BBS9: variants seen among roughly 807,000 people sequenced by gnomAD.
BBS9 encodes protein PTHB1.
In BBS9, 89 loss-of-function variants were observed where a neutral mutation model predicts 117.7. The ratio of observed to expected loss-of-function variants is 0.76; its 90% CI spans 0.64 to 0.90. The LOEUF (loss-of-function observed/expected upper bound fraction) is 0.90, where lower values mean the gene tolerates loss of function less well. Ranked by LOEUF, BBS9 falls within the 40% of genes least tolerant of loss-of-function variation. BBS9 has a pLI of 0.00. For missense variants in BBS9, 982 were observed against 1,042.2 expected (o/e 0.94, Z 0.80); for synonymous variants, 379 against 370.9 (o/e 1.02, Z -0.25).
At position 33,516,227 on chromosome 7, in the gene BBS9, A is replaced by G. The variant is rs558113128; in HGVS notation, c.2298+10582A>G. Among the ~76,000 whole-genome samples, 4 of 152,270 alleles carry G rather than the reference A, an allele frequency of 2.6e-5. No individual in the cohort carries two copies. In the South Asian group the frequency reaches 8.3e-4, roughly 32 times the overall value. On this transcript the variant is annotated intron_variant, in intron 20 of 22. Transcript: ENST00000242067. ...GAACATAGGCCGGGCGCGGTGGCTC[A>G]CACCTGTAATCCCAGCACTTTGGGA...
intron 5 of BBS9, among the ~76,000 whole-genome samples, chr7:33,179,329 C>T (rs1797772790): frequency 6.6e-6 from 1 of 152,168 alleles, no homozygotes; most frequent in Non-Finnish European, 1.5e-5. Context: ...TGTAGTGGTC[C>T]ATGACCTGTT....
intron 7 of BBS9, among the ~76,000 whole-genome samples, chr7:33,272,542 A>G (rs987313218): frequency 6.6e-6 from 1 of 152,168 alleles, no homozygotes; most frequent in Non-Finnish European, 1.5e-5. Flanking sequence ...TATCCCAGCA[A>G]TATGGAGATA....
intron 19 of BBS9, among the ~76,000 whole-genome samples, chr7:33,420,226 T>C (rs566152842): frequency 3.9e-4 from 60 of 152,294 alleles, no homozygotes; most frequent in African/African-American, 1.3e-3. Flanking sequence ...ACCTCATTTT[T>C]ATCTTCTGTA....
chr7:33,417,422 G>A (rs17170222), intron 19 of BBS9, among the ~76,000 whole-genome samples: 1,722 of 152,240 alleles, frequency 0.011, 34 homozygotes, highest in African/African-American at 0.039. Context: ...TAGATTTGGG[G>A]CATTGCAACT....
At chr7:33,389,293 T>A (rs17170212) in intron 19 of BBS9, among the ~76,000 whole-genome samples, 9,430 of 152,270 alleles carry the variant, frequency 0.062, 379 homozygotes, top group South Asian at 0.14. Context: ...ATTCTGTTGA[T>A]TTTGAAAGGA....
intron 19 of BBS9, 129 bp downstream of exon 19, chr7:33,388,273 C>T (rs1826401666): frequency 8.6e-7 from 1 of 1,159,846 alleles, no homozygotes; most frequent in South Asian, 1.3e-5. Flanking sequence ...GAACAGTGCA[C>T]AAGCTTTAGA....
intron 19 of BBS9, among the ~76,000 whole-genome samples, chr7:33,434,895 A>G (rs1835073113): frequency 6.6e-6 from 1 of 152,148 alleles, no homozygotes; most frequent in South Asian, 2.1e-4. Flanking sequence ...CTCATGAAAT[A>G]TGCAGAAAGT....
At chr7:33,274,546 A>G (rs1331295651) in intron 9 of BBS9, among the ~76,000 whole-genome samples, 1 of 152,234 alleles carries the variant, frequency 6.6e-6, no homozygotes, top group Non-Finnish European at 1.5e-5. Flanking sequence ...TCATCAGTAT[A>G]AAAACTGAGA....
chr7:33,172,059 G>T (rs569465485), intron 4 of BBS9, among the ~76,000 whole-genome samples: 2 of 152,018 alleles, frequency 1.3e-5, no homozygotes, highest in African/African-American at 4.8e-5. Context: ...CTTGGTTCTG[G>T]CTTGTAGCTG....
chr7:33,602,680 GT>G, intron 21 of BBS9, among the ~76,000 whole-genome samples: 1 of 152,274 alleles, frequency 6.6e-6, no homozygotes, highest in African/African-American at 2.4e-5. Context: ...GGTGAGCCGA[GT>G]TCACGCCATT....
chr7:33,251,876 C>T (rs1796274240), intron 5 of BBS9, among the ~76,000 whole-genome samples: 2 of 152,256 alleles, frequency 1.3e-5, no homozygotes, highest in South Asian at 4.2e-4. Flanking sequence ...TAAGTGTTCT[C>T]CTCTATGTTG....
At chr7:33,525,675 A>G (rs1380712355) in intron 20 of BBS9, among the ~76,000 whole-genome samples, 1 of 129,876 alleles carries the variant, frequency 7.7e-6, no homozygotes, top group African/African-American at 3.1e-5. Flanking sequence ...TGAATACAGC[A>G]CACTGATGGG....
At chr7:33,177,797 AG>A (rs1171173572) in intron 5 of BBS9, 11 of 570,276 alleles carry the variant, frequency 1.9e-5, no homozygotes, top group Non-Finnish European at 3.2e-5. Context: ...GAAGCTAATC[AG>A]GGTCAGGCCT....
chr7:33,344,467 T>A lies in BBS9; in HGVS notation c.1276-114T>A. The A allele has an allele frequency of 4.0e-6, 4 of 1,005,030 alleles. No homozygotes were observed. In the Admixed American group the frequency reaches 6.9e-5, roughly 17 times the overall value. The allele number at this position is 1,005,030 out of a possible 1,614,324, so 62.3% of individuals were successfully genotyped here. A position where few individuals can be genotyped will look rare whatever the true frequency, so the allele number is the denominator to read the frequency against. On this transcript the variant is annotated intron_variant, in intron 11 of 22. Transcript: ENST00000242067. ...TAGTCTGTCATTAGAGTAATAAATC[T>A]TTTATAGTTTCCTATTTTGATAGTA...
chr7:33,140,406 AC>A (rs1242933468), intron 1 of BBS9, among the ~76,000 whole-genome samples: 1 of 152,028 alleles, frequency 6.6e-6, no homozygotes, highest in Admixed American at 6.6e-5. Flanking sequence ...CCCATCATGC[AC>A]CTTTTCCCTT....
intron 5 of BBS9, among the ~76,000 whole-genome samples, chr7:33,214,694 A>G (rs1238570294): frequency 6.6e-6 from 1 of 152,228 alleles, no homozygotes; most frequent in Admixed American, 6.5e-5. Flanking sequence ...GAGAAAAATT[A>G]AAGAGGCCAC....
chr7:33,609,753 C>T (rs965369739), downstream of BBS9, among the ~76,000 whole-genome samples: 5 of 152,046 alleles, frequency 3.3e-5, no homozygotes, highest in Non-Finnish European at 5.9e-5. Context: ...AGTGATACAG[C>T]GTTTTGCTCC....
rs1395967283 is a variant in BBS9 at position 33,544,242 on chromosome 7, A to AT, written c.2521+10073dup. On this transcript the variant is annotated intron_variant, in intron 21 of 22. Coordinates refer to ENST00000242067, the MANE Select transcript of BBS9 (RefSeq NM_198428.3). ...CTTGGTTTGCTGGTGAGCTAGCGTG[A>AT]TTTTTTTGGTGGTGTTGAAGAGCCT... Among the ~76,000 whole-genome samples the AT allele has an allele frequency of 4.6e-5, 7 of 151,992 alleles. No individual in the cohort carries two copies. The East Asian group carries it at 1.4e-3, about 30-fold the overall frequency.
intron 9 of BBS9, among the ~76,000 whole-genome samples, chr7:33,306,463 T>C (rs898424620): frequency 1.3e-5 from 2 of 152,112 alleles, no homozygotes; most frequent in Non-Finnish European, 2.9e-5. Context: ...AATATGAAAC[T>C]TTATGATTTA....
Sources: allele counts gnomAD v4.1 joint callset (sites outside exome capture counted in the v4.1 genomes callset), GRCh38; gene constraint gnomAD v4.1.1; transcripts MANE v1.5; gene names NCBI Gene and HGNC (gene_info 2026-07-23, HGNC 2026-07-21).